The following LHFPL1 variants were observed in gnomAD, a reference collection of about 807,000 sequenced individuals.
LHFPL1 encodes the protein LHFPL tetraspan subfamily member 1.
Under a neutral mutation model 12.1 loss-of-function variants are expected in LHFPL1, and 4 were observed. The observed-to-expected ratio is 0.33, with a 90% CI of 0.16 to 0.76. The LOEUF is 0.76. LHFPL1 is among the 30% of genes least tolerant of loss of function. The pLI is 0.61. For synonymous variants in LHFPL1, 52 were observed against 61.9 expected, an observed-to-expected ratio of 0.84 and a Z score of 0.75; for missense variants, 141 against 174.1, an observed-to-expected ratio of 0.81 and a Z score of 1.07.
At chrX:112,670,986 C>T (rs1431900829) in intron 2 of LHFPL1, 23 bp downstream of exon 2, 1 of 1,193,849 alleles carries the variant, frequency 8.4e-7, no homozygotes, top group Admixed American at 2.2e-5. Context: ...CCAACCTACC[C>T]AATCCCAGAA....
chrX:112,642,694 GAGTCACCAAGCTGGAAGTCACCTT>G (rs201910966), intron 3 of LHFPL1, among the ~76,000 whole-genome samples: 14,001 of 109,963 alleles, frequency 0.13, 1,026 homozygotes, highest in African/African-American at 0.25. Flanking sequence ...CTTTCCTCTG[GAGTCACCAAGCTGGAAGTCACCTT>G]AGTCACCAAC....
chrX:112,650,271 C>G (rs1311153480), intron 3 of LHFPL1, among the ~76,000 whole-genome samples: 1 of 111,508 alleles, frequency 9.0e-6, no homozygotes, highest in Non-Finnish European at 1.9e-5. Context: ...ACTACAGGAT[C>G]ATTCCCATCA....
Position 112,631,408 on chromosome X carries a change from T to C in LHFPL1, c.*12A>G. 2 of 1,194,988 alleles carry C rather than the reference T, an allele frequency of 1.7e-6. No homozygotes were observed. The highest frequency in any genetic ancestry group is 2.3e-6 in the Non-Finnish European group (2 of 883,784). On this transcript the variant is annotated 3_prime_UTR_variant, in exon 4 of 4. Coordinates refer to ENST00000371968, the MANE Select transcript of LHFPL1 (RefSeq NM_178175.4). ...CTCCCCTTTCCCACCCTCTCCAATC[T>C]TCTTTCAAAGCTCAAGGTTTGAGGC...
Position 112,673,771 on chromosome X carries a change from T to C in LHFPL1, c.-14-2367A>G, listed in dbSNP as rs958989468. Reference sequence around the variant, plus strand: ...TCTCACTTTTCTTTTACCTGAAGCCTTCCCCTACAGTATTACCCCAAAAGT... The same window carrying C: ...TCTCACTTTTCTTTTACCTGAAGCCCTCCCCTACAGTATTACCCCAAAAGT... On this transcript the variant is annotated intron_variant, in intron 1 of 3. Transcript: ENST00000371968. Among the ~76,000 whole-genome samples the C allele has an allele frequency of 4.5e-5, 5 of 112,007 alleles. No individual in the cohort carries two copies. The Admixed American group carries it at 4.7e-4, about 11-fold the overall frequency.
chrX:112,678,716 G>A (rs1039429057), intron 1 of LHFPL1, among the ~76,000 whole-genome samples: 2 of 112,053 alleles, frequency 1.8e-5, no homozygotes, highest in Non-Finnish European at 3.8e-5. Context: ...TTCAATGCTT[G>A]TTCAAAATGC....
intron 3 of LHFPL1, among the ~76,000 whole-genome samples, chrX:112,656,999 G>T (rs776880125): frequency 3.8e-3 from 426 of 111,787 alleles, no homozygotes; most frequent in Non-Finnish European, 6.7e-3. Flanking sequence ...CCTAAAAAGA[G>T]GTCAAAATTC....
intron 3 of LHFPL1, among the ~76,000 whole-genome samples, chrX:112,648,250 C>A (rs1041124082): frequency 3.6e-5 from 4 of 110,987 alleles, no homozygotes; most frequent in African/African-American, 1.3e-4. Flanking sequence ...GTGCGGCAAA[C>A]CACCATGGCA....
Position 112,630,792 on chromosome X carries a change from C to T in LHFPL1, c.*628G>A, listed in dbSNP as rs1021413305. On this transcript the variant is annotated 3_prime_UTR_variant, in exon 4 of 4. Transcript: ENST00000371968. ...TATATTTTTTTTGCTCATCACCCAG[C>T]CAGAATACAAATGGAACTCCTATGA... 9 of 111,111 alleles carry T rather than the reference C, an allele frequency of 8.1e-5. No homozygotes were observed. The highest frequency in any genetic ancestry group is 2.6e-4 in the African/African-American group (8 of 30,467). The allele number at this position is 111,111 out of a possible 1,213,427, so 9.2% of individuals were successfully genotyped here.
At chrX:112,660,191 T>A (rs1213818603) in intron 3 of LHFPL1, among the ~76,000 whole-genome samples, 1 of 112,441 alleles carries the variant, frequency 8.9e-6, no homozygotes, top group Non-Finnish European at 1.9e-5. Context: ...AGAAACAATT[T>A]TGAATATTTA....
At chrX:112,631,747 G>T (rs773485230) in intron 3 of LHFPL1, 146 bp from the exon 4 acceptor site, 3 of 391,208 alleles carry the variant, frequency 7.7e-6, no homozygotes, top group Middle Eastern at 7.4e-4. Flanking sequence ...AGGAAACAGC[G>T]AATGTCCCTG....
chrX:112,631,376 C>A lies in LHFPL1; in HGVS notation c.*44G>T. ...TAATCCTTAGTACCTCTTTTCAGGG[C>A]TCCCTCCTCCCCTTTCCCACCCTCT... On this transcript the variant is annotated 3_prime_UTR_variant, in exon 4 of 4. Transcript: ENST00000371968. The A allele has an allele frequency of 8.8e-7, 1 of 1,136,289 alleles. No homozygotes were observed. Among genetic ancestry groups the A allele is most frequent in the South Asian group, 2.1e-5 (1 of 48,317 alleles). 93.6% of individuals were successfully genotyped at this position (1,136,289 alleles called of 1,213,427 possible).
intron 3 of LHFPL1, among the ~76,000 whole-genome samples, chrX:112,636,413 C>T (rs1176954812): frequency 8.9e-6 from 1 of 112,181 alleles, no homozygotes; most frequent in Non-Finnish European, 1.9e-5. Context: ...TTGAGCAATC[C>T]TCATGTAGAC....
intron 2 of LHFPL1, among the ~76,000 whole-genome samples, chrX:112,668,940 C>T (rs1931414769): frequency 8.9e-6 from 1 of 112,130 alleles, no homozygotes; most frequent in South Asian, 3.7e-4. Flanking sequence ...CCTCCTCACT[C>T]TGCTGGAAAC....
Position 112,631,255 on chromosome X carries a change from C to A in LHFPL1, c.*165G>T, listed in dbSNP as rs1930180165. 5.2e-6 allele frequency: 2 copies of A among 387,520 alleles called. No homozygotes were observed. The highest frequency in any genetic ancestry group is 4.5e-5 in the Admixed American group (1 of 22,119). 31.9% of individuals were successfully genotyped at this position (387,520 alleles called of 1,213,427 possible). A position where few individuals can be genotyped will look rare whatever the true frequency, so the allele number is the denominator to read the frequency against. On this transcript the variant is annotated 3_prime_UTR_variant, in exon 4 of 4. Coordinates refer to ENST00000371968, the MANE Select transcript of LHFPL1 (RefSeq NM_178175.4). ...GATGAATTTTATAAACAGCCAGTGA[C>A]CTACTGGCTTAAAGATAAGTGAAAA...
chrX:112,664,029 C>G (rs1318453066), intron 2 of LHFPL1, among the ~76,000 whole-genome samples: 1 of 112,227 alleles, frequency 8.9e-6, no homozygotes, highest in Non-Finnish European at 1.9e-5. Context: ...TACTCAAATC[C>G]CTTATACAAA....
intron 3 of LHFPL1, among the ~76,000 whole-genome samples, chrX:112,655,864 C>A (rs948067417): frequency 5.4e-5 from 6 of 111,943 alleles, no homozygotes; most frequent in Non-Finnish European, 1.1e-4. Flanking sequence ...CCACTGCACT[C>A]AGCCCAGAAC....
chrX:112,656,570 A>T (rs1047312163), intron 3 of LHFPL1, among the ~76,000 whole-genome samples: 4 of 111,803 alleles, frequency 3.6e-5, no homozygotes, highest in African/African-American at 6.5e-5. Flanking sequence ...AGGAAGAAGT[A>T]AAATTGTCTC....
At chrX:112,667,900 C>A (rs759133964) in intron 2 of LHFPL1, among the ~76,000 whole-genome samples, 2 of 109,523 alleles carry the variant, frequency 1.8e-5, no homozygotes, top group Non-Finnish European at 3.8e-5. Context: ...TCCTGTCTCT[C>A]CCACTTCCCA....
chrX:112,635,105 A>C (rs1310608954), intron 3 of LHFPL1, among the ~76,000 whole-genome samples: 1 of 112,265 alleles, frequency 8.9e-6, no homozygotes, highest in Non-Finnish European at 1.9e-5. Context: ...GTGCAAAAGT[A>C]GGGAGCAGGT....
Sources: gnomAD v4.1 joint callset for allele counts (sites outside exome capture counted in the v4.1 genomes callset) on GRCh38, gnomAD v4.1.1 for gene constraint, MANE v1.5 for transcripts, NCBI Gene and HGNC (gene_info 2026-07-23, HGNC 2026-07-21) for gene names.